The following TNFAIP2 variants were observed in gnomAD, a reference collection of about 807,000 sequenced individuals.
The protein encoded by TNFAIP2 is TNF alpha induced protein 2.
A neutral mutation model predicts 63.5 loss-of-function variants in TNFAIP2; 47 were observed. That is an observed-to-expected ratio of 0.74 (90% CI 0.59 to 0.94). The LOEUF (loss-of-function observed/expected upper bound fraction) is 0.94. TNFAIP2 is among the 40% of genes least tolerant of loss of function. TNFAIP2 has a pLI of 0.00. For missense variants in TNFAIP2, 787 were observed against 850.2 expected (o/e 0.93, Z 0.92); for synonymous variants, 405 against 390.2 (o/e 1.04, Z -0.45).
In TNFAIP2 at chr14:103,126,364, C is replaced by T. The variant is rs2274684; in HGVS notation, c.-94C>T. On this transcript the variant is annotated 5_prime_UTR_variant, in exon 2 of 12. Transcript: ENST00000560869. ...TGAAGATGATGACCTTCTTCCAAGG[C>T]CTCTAGAGCCATCAGCCTGTGCCAG... 499 of 835,926 alleles carry T rather than the reference C, an allele frequency of 6.0e-4. 1 individual carries two copies. The East Asian group carries it at 9.0e-3, about 15-fold the overall frequency. The allele number at this position is 835,926 out of a possible 1,614,324, so 51.8% of individuals were successfully genotyped here. A position where few individuals can be genotyped will look rare whatever the true frequency, so the allele number is the denominator to read the frequency against.
Position 103,126,537 on chromosome 14 carries a change from CGAAGAAGAAGAA to C in TNFAIP2, c.82_93del (p.Lys28_Lys31del). 2 of 1,575,184 alleles carry C rather than the reference CGAAGAAGAAGAA, an allele frequency of 1.3e-6. No homozygotes were observed. The highest frequency in any genetic ancestry group is 1.7e-6 in the Non-Finnish European group (2 of 1,160,712). On this transcript the variant is annotated inframe_deletion, in exon 2 of 12. Coordinates refer to ENST00000560869, the MANE Select transcript of TNFAIP2 (RefSeq NM_006291.4). ...CCATATAGGGAGGAGGAAGAGGCGGCGAAGAAGAAGAAGGAGAAGAAGAAGAAGTCCAAAGGC... is the reference window on the plus strand; with the variant it reads ...CCATATAGGGAGGAGGAAGAGGCGGCGGAGAAGAAGAAGAAGTCCAAAGGC...
At position 103,131,407 on chromosome 14, in the gene TNFAIP2, T is replaced by C. The variant is rs969372138; in HGVS notation, c.1299-232T>C. On this transcript the variant is annotated intron_variant, in intron 7 of 11. Transcript: ENST00000560869. This position sits in a 1 kb window ranked among gnomAD's most constrained non-coding sequence, Gnocchi z 4.0. ...TGTGAAGTAGGTATAGTGATCTGTC[T>C]ATTAGGCAGATGGGCAAACCACTGG... is the stretch of plus-strand genomic sequence containing the variant. 2.0e-5 allele frequency among the ~76,000 whole-genome samples: 3 copies of C among 152,186 alleles called. No homozygotes were observed. Among genetic ancestry groups the C allele is most frequent in the Non-Finnish European group, 4.4e-5 (3 of 68,030 alleles).
Position 103,136,093 on chromosome 14 carries a change from G to T in TNFAIP2, c.*733G>T. On this transcript the variant is annotated 3_prime_UTR_variant, in exon 12 of 12. Transcript: ENST00000560869. The stretch of plus-strand genomic sequence containing the variant: ...TACCGAAGGGCCCAAGACCTCCTGG[G>T]TCCTCTCAGGCTCCCCCTTCCCCAA... The T allele has an allele frequency of 1.8e-6, 2 of 1,120,934 alleles. No individual in the cohort carries two copies. The highest frequency in any genetic ancestry group is 2.3e-6 in the Non-Finnish European group (2 of 876,152). 69.4% of individuals were successfully genotyped at this position (1,120,934 alleles called of 1,614,324 possible). A position where few individuals can be genotyped will look rare whatever the true frequency, so the allele number is the denominator to read the frequency against.
intron 11 of TNFAIP2, among the ~76,000 whole-genome samples, chr14:103,134,785 C>T (rs2088061975): frequency 6.6e-6 from 1 of 152,196 alleles, no homozygotes; most frequent in South Asian, 2.1e-4. Flanking sequence ...AGGTCTCAGT[C>T]CTCCCTTAAG....
chr14:103,126,874 G>C, intron 2 of TNFAIP2, 131 bp from the exon 3 acceptor site: 2 of 1,389,246 alleles, frequency 1.4e-6, no homozygotes, highest in Non-Finnish European at 1.9e-6. Flanking sequence ...CAGGGACACC[G>C]ACATCACCCT....
chr14:103,133,623 G>T, intron 10 of TNFAIP2, 59 bp from the exon 11 acceptor site: 1 of 1,554,680 alleles, frequency 6.4e-7, no homozygotes, highest in Non-Finnish European at 8.7e-7. Flanking sequence ...TAAGCCCAAC[G>T]AGTCGCTGAC....
upstream of TNFAIP2, chr14:103,122,694 G>A: frequency 4.4e-6 from 2 of 456,076 alleles, no homozygotes; most frequent in South Asian, 1.5e-5. Context: ...ATCCAGACGA[G>A]GCCCTGGAGT....
rs1297518887 is a variant in TNFAIP2, at chr14:103,126,699, T to C, written c.235+7T>C. 1.3e-6 allele frequency: 2 copies of C among 1,558,352 alleles called. No homozygotes were observed. Among genetic ancestry groups the C allele is most frequent in the East Asian group, 2.3e-5 (1 of 42,646 alleles). On this transcript the variant is annotated splice_region_variant and intron_variant, in intron 2 of 11. Transcript: ENST00000560869. ...GATGGCCCGCCCCCCACAGGTGCTC[T>C]AGGACCCTGGGTTAGAGCTAGTCTG... is the stretch of plus-strand genomic sequence containing the variant.
upstream of TNFAIP2, among the ~76,000 whole-genome samples, chr14:103,121,880 G>T (rs571273487): frequency 2.0e-5 from 3 of 152,002 alleles, no homozygotes; most frequent in African/African-American, 4.8e-5. Context: ...GGAATGGGAG[G>T]GGGGGTGAGG....
rs750647873 is a variant in TNFAIP2, at chr14:103,127,555, C to T, written c.786C>T (p.Ala262=). The change falls in exon 3 of 12, where the codon GCC becomes GCT. Residue 262 remains alanine (A), a synonymous_variant. Transcript: ENST00000560869. The surrounding 1 kb of genome is among the most constrained non-coding windows in gnomAD (Gnocchi z 5.1). The part of the protein sequence containing the change: ...SYHQHFAAHL[A]AVAQFELCER... ...ACCAGCACTTCGCGGCCCACCTGGC[C>T]GCCGTGGCGCAGTTCGAGCTGTGCG... 1.3e-6 allele frequency: 2 copies of T among 1,583,244 alleles called. No individual in the cohort carries two copies. The highest frequency in any genetic ancestry group is 1.7e-5 in the Admixed American group (1 of 57,308).
intron 8 of TNFAIP2, among the ~76,000 whole-genome samples, chr14:103,132,097 A>C (rs911155585): frequency 3.8e-4 from 50 of 130,142 alleles, no homozygotes; most frequent in Admixed American, 1.7e-3. Context: ...CCCCTCCCCG[A>C]TTCAGACACA....
intron 9 of TNFAIP2, 143 bp from the exon 10 acceptor site, chr14:103,133,219 C>T: frequency 9.3e-7 from 1 of 1,073,538 alleles, no homozygotes; most frequent in Non-Finnish European, 1.3e-6. Flanking sequence ...TGTGAACGCA[C>T]ACATGTGGAC....
upstream of TNFAIP2, chr14:103,122,904 G>A (rs1392562575): frequency 4.5e-6 from 2 of 448,948 alleles, no homozygotes; most frequent in Non-Finnish European, 9.0e-6. Flanking sequence ...CGACCGGAGG[G>A]GCTCAAGGCC....
At position 103,137,359 on chromosome 14, in the gene TNFAIP2, T is replaced by A. The variant is rs2088114654; in HGVS notation, c.*1999T>A. The A allele has an allele frequency of 6.6e-6, 1 of 152,280 alleles. No homozygotes were observed. Among genetic ancestry groups the A allele is most frequent in the Non-Finnish European group, 1.5e-5 (1 of 68,058 alleles). 9.4% of individuals were successfully genotyped at this position (152,280 alleles called of 1,614,324 possible). ...GATATTGTTAATATAATAATAATTA[T>A]TTTTTAGAGTACTGCTTTTGTATGT... On this transcript the variant is annotated 3_prime_UTR_variant, in exon 12 of 12. Coordinates refer to ENST00000560869, the MANE Select transcript of TNFAIP2 (RefSeq NM_006291.4).
At chr14:103,124,572 T>C (rs967779565) in intron 1 of TNFAIP2, 1 of 152,644 alleles carries the variant, frequency 6.6e-6, no homozygotes, top group Admixed American at 6.5e-5. Context: ...GCAGGGAGCA[T>C]TGCTGGTAAG....
At position 103,127,299 on chromosome 14, in the gene TNFAIP2, G is replaced by C. The variant is rs991425760; in HGVS notation, c.530G>C (p.Gly177Ala). Reference sequence around the variant, plus strand: ...GCGGCGGCGGGGCCGGGGACCTCGGGGCTGGCGGCCACGCGCCCGCGGCGC... The same window carrying C: ...GCGGCGGCGGGGCCGGGGACCTCGGCGCTGGCGGCCACGCGCCCGCGGCGC... ...QAAAAGPGTS[G>A]LAATRPRRWL... Residue 177 changes from glycine to alanine, a missense_variant, in exon 3 of 12, where the codon GGG becomes GCG. Around this residue, in one of 3 missense-constraint regions of TNFAIP2, gnomAD observed 258 missense variants for 228.9 expected, o/e 1.13. Transcript: ENST00000560869. This position sits in a 1 kb window ranked among gnomAD's most constrained non-coding sequence, Gnocchi z 5.1. The C allele has an allele frequency of 1.0e-6, 1 of 988,512 alleles. No homozygotes were observed. Among genetic ancestry groups the C allele is most frequent in the Admixed American group, 6.3e-5 (1 of 15,992 alleles). The allele number at this position is 988,512 out of a possible 1,614,324, so 61.2% of individuals were successfully genotyped here. A position where few individuals can be genotyped will look rare whatever the true frequency, so the allele number is the denominator to read the frequency against.
At chr14:103,133,909 ACT>A in intron 11 of TNFAIP2, 106 bp downstream of exon 11, 1 of 1,397,114 alleles carries the variant, frequency 7.2e-7, no homozygotes, top group Non-Finnish European at 9.5e-7. Context: ...CGTGCCAGTC[ACT>A]GTGTGAACCT....
chr14:103,135,287 G>A lies in TNFAIP2; in HGVS notation c.1892G>A (p.Arg631Gln), dbSNP rs377483695. The A allele has an allele frequency of 9.9e-6, 16 of 1,613,842 alleles. No homozygotes were observed. The highest frequency in any genetic ancestry group is 2.7e-5 in the African/African-American group (2 of 74,934). The change falls in exon 12 of 12, where the codon CGG becomes CAG. Residue 631 changes from arginine (R) to glutamine (Q), a missense_variant. By Grantham distance (43) the Arg-to-Gln change is conservative. Around this residue, in one of 3 missense-constraint regions of TNFAIP2, gnomAD observed 523 missense variants for 604.1 expected, o/e 0.87. Coordinates refer to ENST00000560869, the MANE Select transcript of TNFAIP2 (RefSeq NM_006291.4). The surrounding 1 kb of genome is among the most constrained non-coding windows in gnomAD (Gnocchi z 7.6). ...TCCAACAGTGAGGTCAAGCGCATCC[G>A]GAGCATCTTGGACGTCAGCATGGGG... ...NLSNSEVKRI[R>Q]SILDVSMGAQ...
chr14:103,128,473 A>G (rs2087906723), intron 3 of TNFAIP2, among the ~76,000 whole-genome samples: 1 of 152,130 alleles, frequency 6.6e-6, no homozygotes, highest in African/African-American at 2.4e-5. Context: ...GCAGTGTGGA[A>G]AGGCCCAGGG....
Sources: gnomAD v4.1 joint callset for allele counts (sites outside exome capture counted in the v4.1 genomes callset) on GRCh38, gnomAD v4.1.1 for gene constraint, gnomAD v4.1.1 regional missense constraint, Gnocchi (gnomAD v3.1) non-coding constraint, MANE v1.5 for transcripts, NCBI Gene and HGNC (gene_info 2026-07-23, HGNC 2026-07-21) for gene names.